OVOL1: variants seen among roughly 807,000 people sequenced by gnomAD.
OVOL1 encodes the protein putative transcription factor Ovo-like 1.
Under a neutral mutation model 21.5 loss-of-function variants are expected in OVOL1, and 10 were observed. That is an observed-to-expected ratio of 0.46 (90% CI 0.29 to 0.79). OVOL1 has a LOEUF of 0.79. Ranked by LOEUF, OVOL1 falls within the 30% of genes least tolerant of loss-of-function variation. The pLI is 0.10. For missense variants in OVOL1, 279 were observed against 362.3 expected (o/e 0.77, Z 1.87); for synonymous variants, 129 against 150.3 (o/e 0.86, Z 1.03).
chr11:65,793,842 G>A, intron 1 of OVOL1, 189 bp from the exon 2 acceptor site: 1 of 598,726 alleles, frequency 1.7e-6, no homozygotes, highest in East Asian at 2.8e-5. Flanking sequence ...GGCATCACCT[G>A]CAATTACCTT....
chr11:65,794,535 C>A lies in OVOL1; in HGVS notation c.319-3C>A. The A allele has an allele frequency of 6.2e-7, 1 of 1,611,986 alleles. No individual in the cohort carries two copies. The highest frequency in any genetic ancestry group is 8.5e-7 in the Non-Finnish European group (1 of 1,178,926). On this transcript the variant is annotated splice_polypyrimidine_tract_variant and splice_region_variant and intron_variant, in intron 2 of 3. Transcript: ENST00000335987. ...CTGTCAGCAATGCCGTCCTCACCCACAGGTGACCCTTGGGGACAGTCCCAG... is the reference window on the plus strand; with the variant it reads ...CTGTCAGCAATGCCGTCCTCACCCAAAGGTGACCCTTGGGGACAGTCCCAG...
At position 65,795,179 on chromosome 11, in the gene OVOL1, G is replaced by A. The variant is rs1473502011; in HGVS notation, c.642G>A (p.Val214=). 1.2e-6 allele frequency: 2 copies of A among 1,613,062 alleles called. No homozygotes were observed. The highest frequency in any genetic ancestry group is 2.7e-5 in the African/African-American group (2 of 74,900). ...AYKERRAKLY[V]CEECGCTSES... Reference sequence around the variant, plus strand: ...AGGAGCGGCGGGCCAAGCTGTACGTGTGTGAGGAGTGCGGCTGCACATCTG... The same window carrying A: ...AGGAGCGGCGGGCCAAGCTGTACGTATGTGAGGAGTGCGGCTGCACATCTG... Residue 214 remains valine, a synonymous_variant, in exon 4 of 4, where the codon GTG becomes GTA. Coordinates refer to ENST00000335987, the MANE Select transcript of OVOL1 (RefSeq NM_004561.4). The surrounding 1 kb of genome is among the most constrained non-coding windows in gnomAD (Gnocchi z 5.7).
chr11:65,792,796 A>G (rs2135703006), intron 1 of OVOL1, among the ~76,000 whole-genome samples: 1 of 152,324 alleles, frequency 6.6e-6, no homozygotes, highest in East Asian at 1.9e-4. Context: ...AAACTTCAGC[A>G]CTGTCAAACG....
At chr11:65,788,251 G>A (rs574974750) in intron 1 of OVOL1, among the ~76,000 whole-genome samples, 1 of 152,234 alleles carries the variant, frequency 6.6e-6, no homozygotes, top group South Asian at 2.1e-4. Flanking sequence ...GGTGTACCCA[G>A]TTATTTTTGG....
intron 1 of OVOL1, among the ~76,000 whole-genome samples, chr11:65,787,859 G>C (rs1857934841): frequency 6.6e-6 from 1 of 152,196 alleles, no homozygotes; most frequent in African/African-American, 2.4e-5. Flanking sequence ...GGCGGGAGAA[G>C]GCACTGGAGC....
chr11:65,794,385 G>A (rs985296310), intron 2 of OVOL1, 137 bp downstream of exon 2: 81 of 1,081,782 alleles, frequency 7.5e-5, no homozygotes, highest in Admixed American at 3.7e-4. Flanking sequence ...GAGGAGTGCC[G>A]ATCTCCGGGC....
At chr11:65,792,632 G>C (rs1471537961) in intron 1 of OVOL1, among the ~76,000 whole-genome samples, 1 of 152,232 alleles carries the variant, frequency 6.6e-6, no homozygotes, top group African/African-American at 2.4e-5. Context: ...GCCAGGCGCT[G>C]GTGAATCAAC....
intron 1 of OVOL1, among the ~76,000 whole-genome samples, chr11:65,788,139 T>C (rs1386787060): frequency 6.6e-6 from 1 of 152,190 alleles, no homozygotes; most frequent in Non-Finnish European, 1.5e-5. Flanking sequence ...GGGTCTCACC[T>C]CTGCTAGAAA....
chr11:65,791,622 C>T (rs1858019728), intron 1 of OVOL1, among the ~76,000 whole-genome samples: 1 of 152,214 alleles, frequency 6.6e-6, no homozygotes, highest in African/African-American at 2.4e-5. Context: ...GGGCAGCTGC[C>T]CTGGACACAG....
intron 1 of OVOL1, 70 bp downstream of exon 1, chr11:65,787,543 C>T: frequency 1.1e-6 from 1 of 911,126 alleles, no homozygotes; most frequent in Non-Finnish European, 1.4e-6. Context: ...GGCGGGCGGG[C>T]GCAGGTCCGC....
chr11:65,791,732 G>A (rs996029721), intron 1 of OVOL1, among the ~76,000 whole-genome samples: 16 of 152,242 alleles, frequency 1.1e-4, no homozygotes, highest in African/African-American at 3.9e-4. Context: ...CCCCCAGGCA[G>A]TAGGAAGAGG....
Position 65,796,560 on chromosome 11 carries a change from A to G in OVOL1, c.*1219A>G, listed in dbSNP as rs1376119430. The G allele has an allele frequency of 6.6e-6, 1 of 152,190 alleles. No individual in the cohort carries two copies. Among genetic ancestry groups the G allele is most frequent in the African/African-American group, 2.4e-5 (1 of 41,424 alleles). The allele number at this position is 152,190 out of a possible 1,614,324, so 9.4% of individuals were successfully genotyped here. ...CAGAATGATGACCAGCACCTCAGAA[A>G]CTTCCAGAGGGAGGAGAGGATTTGA... On this transcript the variant is annotated 3_prime_UTR_variant, in exon 4 of 4. Coordinates refer to ENST00000335987, the MANE Select transcript of OVOL1 (RefSeq NM_004561.4).
At chr11:65,793,126 G>C (rs990533124) in intron 1 of OVOL1, among the ~76,000 whole-genome samples, 1 of 152,224 alleles carries the variant, frequency 6.6e-6, no homozygotes, top group African/African-American at 2.4e-5. Context: ...AATTTGCCCC[G>C]GCTCTGTTGG....
At position 65,795,113 on chromosome 11, in the gene OVOL1, C is replaced by A; in HGVS notation, c.576C>A (p.His192Gln). Residue 192 changes from histidine (H) to glutamine (Q), a missense_variant, in exon 4 of 4, where the codon CAC (histidine) becomes CAA (glutamine). Coordinates refer to ENST00000335987, the MANE Select transcript of OVOL1 (RefSeq NM_004561.4). The surrounding 1 kb of genome is among the most constrained non-coding windows in gnomAD (Gnocchi z 5.7). The part of the protein sequence containing the change: ...AFTQRCSLES[H>Q]LKKIHGVQQK... ...CGCAGCGCTGCTCTCTGGAGTCTCA[C>A]CTCAAGAAGATCCATGGTGTGCAGC... is the stretch of plus-strand genomic sequence containing the variant. 6.2e-7 allele frequency: 1 copy of A among 1,613,786 alleles called. No individual in the cohort carries two copies. The highest frequency in any genetic ancestry group is 1.1e-5 in the South Asian group (1 of 91,086).
At position 65,795,826 on chromosome 11, in the gene OVOL1, A is replaced by C; in HGVS notation, c.*485A>C. On this transcript the variant is annotated 3_prime_UTR_variant, in exon 4 of 4. Transcript: ENST00000335987. This position sits in a 1 kb window ranked among gnomAD's most constrained non-coding sequence, Gnocchi z 5.7. ...GGTGGGGGCTGGCAGCAGACCCCCC[A>C]CCTGGCAGGGCTTCTAATGCTCAGG... The C allele has an allele frequency of 1.1e-5, 2 of 188,106 alleles. No individual in the cohort carries two copies. Among genetic ancestry groups the C allele is most frequent in the South Asian group, 1.1e-4 (1 of 8,722 alleles). The allele number at this position is 188,106 out of a possible 1,614,324, so 11.7% of individuals were successfully genotyped here. A position where few individuals can be genotyped will look rare whatever the true frequency, so the allele number is the denominator to read the frequency against.
At chr11:65,794,383 C>A in intron 2 of OVOL1, 135 bp downstream of exon 2, 1 of 1,084,364 alleles carries the variant, frequency 9.2e-7, no homozygotes, top group Non-Finnish European at 1.3e-6. Flanking sequence ...CAGAGGAGTG[C>A]CGATCTCCGG....
At chr11:65,792,325 A>T (rs1591000199) in intron 1 of OVOL1, 1 of 151,766 alleles carries the variant, frequency 6.6e-6, no homozygotes, top group Non-Finnish European at 1.5e-5. Flanking sequence ...CAGCTGGGGG[A>T]CCTCGCTCAC....
Position 65,795,332 on chromosome 11 carries a change from CCACCTG to C in OVOL1, c.796_801del (p.His266_Leu267del), listed in dbSNP as rs1268699306. ...TCACTTCCCTGCTGCAGGGCAGCCCCCACCTGTGAGTGGCTCGAGCCCTGGGGGTGC... is the reference window on the plus strand; with the variant it reads ...TCACTTCCCTGCTGCAGGGCAGCCCCTGAGTGGCTCGAGCCCTGGGGGTGC... On this transcript the variant is annotated inframe_deletion, in exon 4 of 4. Transcript: ENST00000335987. This position sits in a 1 kb window ranked among gnomAD's most constrained non-coding sequence, Gnocchi z 5.7. 1.3e-6 allele frequency: 2 copies of C among 1,599,858 alleles called. No individual in the cohort carries two copies. The highest frequency in any genetic ancestry group is 1.7e-6 in the Non-Finnish European group (2 of 1,174,620).
chr11:65,787,447 A>C lies in OVOL1; in HGVS notation c.74A>C (p.Glu25Ala), dbSNP rs767422470. The change falls in exon 1 of 4, where the codon GAG becomes GCG. Residue 25 changes from glutamate (E) to alanine (A), a missense_variant. Transcript: ENST00000335987. ...AGGAACTGGAGCGAGCTCCCCGACG[A>C]GGAGCGCGGCGAGATCTACGTGCCA... ...CKRNWSELPD[E>A]ERGEIYVPVS... The C allele has an allele frequency of 3.2e-6, 5 of 1,575,312 alleles. No individual in the cohort carries two copies. The highest frequency in any genetic ancestry group is 8.6e-7 in the Non-Finnish European group (1 of 1,159,456).
Sources: gnomAD v4.1 joint callset for allele counts (sites outside exome capture counted in the v4.1 genomes callset) on GRCh38, gnomAD v4.1.1 for gene constraint, Gnocchi (gnomAD v3.1) non-coding constraint, MANE v1.5 for transcripts, NCBI Gene and HGNC (gene_info 2026-07-23, HGNC 2026-07-21) for gene names.